RAB4A: variants seen among roughly 807,000 people sequenced by gnomAD.
RAB4A encodes ras-related protein Rab-4A.
RAB4A carries 20 observed loss-of-function variants against 34.5 expected under a neutral mutation model. The observed-to-expected ratio is 0.58, with a 90% CI of 0.41 to 0.84. The LOEUF is 0.84. Among genes scored for constraint, RAB4A ranks in the 40% least tolerant of loss-of-function variants. RAB4A has a pLI of 0.00. For synonymous variants in RAB4A, 102 were observed against 100.0 expected (o/e 1.02, Z -0.12); for missense variants, 228 against 274.5 (o/e 0.83, Z 1.20).
At chr1:229,279,923 T>G (rs2102836951) in intron 1 of RAB4A, among the ~76,000 whole-genome samples, 1 of 152,332 alleles carries the variant, frequency 6.6e-6, no homozygotes, top group South Asian at 2.1e-4. Flanking sequence ...CTAATTTAAG[T>G]GGGCACAATT....
chr1:229,292,248 G>A (rs886643370), intron 3 of RAB4A, among the ~76,000 whole-genome samples: 1 of 144,868 alleles, frequency 6.9e-6, no homozygotes, highest in African/African-American at 2.9e-5. Flanking sequence ...AAAAAAAAAA[G>A]AAAATTTAAC....
chr1:229,294,150 G>T (rs1001412359), intron 3 of RAB4A, among the ~76,000 whole-genome samples: 2 of 152,298 alleles, frequency 1.3e-5, no homozygotes, highest in African/African-American at 2.4e-5. Flanking sequence ...GGGCCTGGAG[G>T]GTGGGACCAA....
At chr1:229,278,701 C>T (rs1656708976) in intron 1 of RAB4A, among the ~76,000 whole-genome samples, 1 of 152,174 alleles carries the variant, frequency 6.6e-6, no homozygotes, top group African/African-American at 2.4e-5. Flanking sequence ...GACTTTGCGC[C>T]TTCCTCCTTT....
chr1:229,284,094 G>GTTT (rs773213321), intron 1 of RAB4A, among the ~76,000 whole-genome samples: 22 of 45,910 alleles, frequency 4.8e-4, no homozygotes, highest in African/African-American at 1.2e-3. Flanking sequence ...GTGTTGTTTG[G>GTTT]TTTTTTTTTT....
At chr1:229,297,691 G>A (rs1657285046) in intron 5 of RAB4A, 55 bp downstream of exon 5, 6 of 1,439,928 alleles carry the variant, frequency 4.2e-6, no homozygotes, top group South Asian at 1.5e-5. Context: ...GAGGATAATA[G>A]CATTTCTTTG....
chr1:229,295,037 G>C (rs749739754), intron 3 of RAB4A, among the ~76,000 whole-genome samples: 49 of 147,534 alleles, frequency 3.3e-4, no homozygotes, highest in Non-Finnish European at 6.5e-4. Context: ...ATCGCTCACC[G>C]TCACCTCAAA....
intron 2 of RAB4A, among the ~76,000 whole-genome samples, chr1:229,287,957 G>T (rs1394247290): frequency 6.6e-6 from 1 of 152,276 alleles, no homozygotes; most frequent in African/African-American, 2.4e-5. Context: ...TCTTTCATAG[G>T]CAGTGTATTC....
At chr1:229,274,260 T>C (rs77991353) in intron 1 of RAB4A, among the ~76,000 whole-genome samples, 1 of 150,364 alleles carries the variant, frequency 6.7e-6, no homozygotes, top group South Asian at 2.1e-4. Flanking sequence ...AGACGAGGTC[T>C]CTGTCTGTTG....
chr1:229,302,284 TATATATATATATATATATATA>T lies in RAB4A; in HGVS notation c.542-577_542-557del, dbSNP rs1423684333. Among the ~76,000 whole-genome samples the T allele has an allele frequency of 8.2e-3, 171 of 20,908 alleles. 8 individuals are homozygous for T. The highest frequency in any genetic ancestry group is 0.035 in the African/African-American group (157 of 4,466). 13.7% of individuals were successfully genotyped at this position (20,908 alleles called of 152,430 possible). A position where few individuals can be genotyped will look rare whatever the true frequency, so the allele number is the denominator to read the frequency against. ...ATATATATATATATATATATATATATATATATATATATATATATATATATATTTTTTTTTTTTTTTTACATG... is the reference window on the plus strand; with the variant it reads ...ATATATATATATATATATATATATATTATATTTTTTTTTTTTTTTTACATG... On this transcript the variant is annotated intron_variant, in intron 6 of 7. Transcript: ENST00000366690.
At chr1:229,285,682 A>G (rs1359055622) in intron 1 of RAB4A, among the ~76,000 whole-genome samples, 1 of 152,130 alleles carries the variant, frequency 6.6e-6, no homozygotes, top group East Asian at 1.9e-4. Context: ...TCAAACGGGG[A>G]GGAGGGAGTT....
Position 229,286,520 on chromosome 1 carries a change from A to G in RAB4A, c.66A>G (p.Ala22=), listed in dbSNP as rs1656928129. The change falls in exon 2 of 8, where the codon GCA becomes GCG. Residue 22 remains alanine (A), a synonymous_variant. Coordinates refer to ENST00000366690, the MANE Select transcript of RAB4A (RefSeq NM_004578.4). The part of the protein sequence containing the change: ...FLFKFLVIGN[A]GTGKSCLLHQ... ...TTAAGTTCTTGGTTATTGGAAATGC[A>G]GGAACTGGCAAATCTTGCTTACTTC... 2 of 1,582,390 alleles carry G rather than the reference A, an allele frequency of 1.3e-6. No homozygotes were observed. Among genetic ancestry groups the G allele is most frequent in the South Asian group, 2.4e-5 (2 of 84,032 alleles).
intron 3 of RAB4A, among the ~76,000 whole-genome samples, chr1:229,293,360 C>T (rs980924568): frequency 1.1e-4 from 16 of 152,168 alleles, no homozygotes; most frequent in African/African-American, 3.6e-4. Flanking sequence ...CTATAAGTTC[C>T]AGCACTCTCC....
intron 3 of RAB4A, among the ~76,000 whole-genome samples, chr1:229,291,406 G>A (rs974883952): frequency 2.0e-5 from 3 of 152,204 alleles, no homozygotes; most frequent in African/African-American, 7.2e-5. Flanking sequence ...GGGACAGTGA[G>A]GGAAGACTAA....
intron 1 of RAB4A, among the ~76,000 whole-genome samples, chr1:229,283,893 A>AT (rs1656846948): frequency 7.3e-6 from 1 of 137,670 alleles, no homozygotes; most frequent in Admixed American, 7.0e-5. Context: ...CGCCTGGCTA[A>AT]TTTTTTTATT....
intron 1 of RAB4A, among the ~76,000 whole-genome samples, chr1:229,284,100 T>G (rs1021285226): frequency 1.4e-5 from 2 of 139,556 alleles, no homozygotes; most frequent in Admixed American, 7.1e-5. Flanking sequence ...TTTGGTTTTT[T>G]TTTTTTTTTT....
At chr1:229,275,862 T>G (rs562096892) in intron 1 of RAB4A, among the ~76,000 whole-genome samples, 5 of 147,902 alleles carry the variant, frequency 3.4e-5, no homozygotes, top group African/African-American at 5.3e-5. Context: ...CCTGACCTCA[T>G]GATCCCGCCC....
intron 2 of RAB4A, among the ~76,000 whole-genome samples, chr1:229,287,852 A>G (rs563337904): frequency 1.3e-5 from 2 of 152,276 alleles, no homozygotes; most frequent in South Asian, 4.1e-4. Context: ...GAAACAATTA[A>G]ATTTTGTTCT....
At chr1:229,286,628 T>C (rs1235097123) in intron 2 of RAB4A, 62 bp downstream of exon 2, 1 of 1,075,660 alleles carries the variant, frequency 9.3e-7, no homozygotes, top group East Asian at 2.6e-5. Context: ...CTCACTCAGA[T>C]TTGTTTACAG....
chr1:229,282,953 C>T (rs1656812958), intron 1 of RAB4A, among the ~76,000 whole-genome samples: 2 of 152,102 alleles, frequency 1.3e-5, no homozygotes, highest in Admixed American at 1.3e-4. Context: ...TGTCTGTTAC[C>T]TTTTTTCGTT....
Sources: gnomAD v4.1 joint callset for allele counts (sites outside exome capture counted in the v4.1 genomes callset) on GRCh38, gnomAD v4.1.1 for gene constraint, MANE v1.5 for transcripts, NCBI Gene and HGNC (gene_info 2026-07-23, HGNC 2026-07-21) for gene names.